ZNF462: variants seen among roughly 807,000 people sequenced by gnomAD.
The protein encoded by ZNF462 is zinc finger protein 462.
ZNF462 carries 10 observed loss-of-function variants against 201.9 expected under a neutral mutation model. The ratio of observed to expected loss-of-function variants is 0.05; its 90% confidence interval spans 0.03 to 0.08. The LOEUF is 0.08. ZNF462 is among the 10% of genes least tolerant of loss of function. The pLI is 1.00. For synonymous variants in ZNF462, 1,227 were observed against 1,193.3 expected (o/e 1.03, Z -0.58); for missense variants, 2,523 against 3,168.3 (o/e 0.80, Z 4.89).
At chr9:106,998,729 T>A (rs891900516) in intron 10 of ZNF462, among the ~76,000 whole-genome samples, 1 of 152,124 alleles carries the variant, frequency 6.6e-6, no homozygotes, top group Non-Finnish European at 1.5e-5. Flanking sequence ...TGCCTCAGCC[T>A]CCCAAGTAGC....
At position 106,932,516 on chromosome 9, in the gene ZNF462, A is replaced by G. The variant is rs1428082171; in HGVS notation, c.6083A>G (p.Gln2028Arg). 5.6e-6 allele frequency: 9 copies of G among 1,614,234 alleles called. No individual in the cohort carries two copies. The highest frequency in any genetic ancestry group is 1.3e-5 in the African/African-American group (1 of 75,074). ...ACCCGCGAGGACAAGTACAGCTGCC[A>G]GTATTGCTCGTTTGTTTCTGCTTTC... ...MFTREDKYSC[Q>R]YCSFVSAFRH... Residue 2028 changes from glutamine to arginine, a missense_variant, in exon 5 of 13, where the codon CAG becomes CGG. By Grantham distance (43) the Gln-to-Arg change is conservative (BLOSUM62 1). Transcript: ENST00000277225. This position sits in a 1 kb window ranked among gnomAD's most constrained non-coding sequence, Gnocchi z 6.8.
At chr9:106,999,743 G>C (rs1829039224) in intron 10 of ZNF462, among the ~76,000 whole-genome samples, 1 of 152,140 alleles carries the variant, frequency 6.6e-6, no homozygotes, top group South Asian at 2.1e-4. Flanking sequence ...GACTTTAAAT[G>C]AGTTTTTCTT....
chr9:106,928,007 A>G lies in ZNF462; in HGVS notation c.4095A>G (p.Glu1365=), dbSNP rs1564108623. 6.2e-7 allele frequency: 1 copy of G among 1,614,204 alleles called. No homozygotes were observed. The change falls in exon 3 of 13, where the codon GAA becomes GAG. Residue 1365 remains glutamate (E), a synonymous_variant. Coordinates refer to ENST00000277225, the MANE Select transcript of ZNF462 (RefSeq NM_021224.6). This position sits in a 1 kb window ranked among gnomAD's most constrained non-coding sequence, Gnocchi z 9.3. ...PSPPSLTMPA[E]AKTYRCRDCV... ...CTCCCTCTCTCACAATGCCAGCCGA[A>G]GCCAAAACCTACAGATGCAGGGACT... is the stretch of plus-strand genomic sequence containing the variant.
chr9:106,871,286 A>C (rs1827579806), intron 1 of ZNF462, among the ~76,000 whole-genome samples: 1 of 152,238 alleles, frequency 6.6e-6, no homozygotes, highest in South Asian at 2.1e-4. Flanking sequence ...TTGAAAGGAT[A>C]CGTGGATTAG....
intron 11 of ZNF462, among the ~76,000 whole-genome samples, chr9:107,004,304 T>C (rs555250305): frequency 1.1e-4 from 17 of 152,340 alleles, no homozygotes; most frequent in Non-Finnish European, 1.0e-4. Flanking sequence ...TTGCCATTAC[T>C]GAGCATCATT....
chr9:106,931,853 A>G (rs1375046760), intron 4 of ZNF462, among the ~76,000 whole-genome samples: 5 of 152,158 alleles, frequency 3.3e-5, no homozygotes, highest in East Asian at 1.9e-4. Context: ...AGGCTCCTCA[A>G]TGACCATACT....
At chr9:106,877,668 C>T (rs1403830188) in intron 1 of ZNF462, among the ~76,000 whole-genome samples, 1 of 152,146 alleles carries the variant, frequency 6.6e-6, no homozygotes, top group East Asian at 1.9e-4. Context: ...GTGTAAGCCA[C>T]TGCGTCCAGC....
chr9:106,915,971 C>T (rs899854302), intron 1 of ZNF462, among the ~76,000 whole-genome samples: 3 of 152,118 alleles, frequency 2.0e-5, no homozygotes, highest in African/African-American at 7.2e-5. Flanking sequence ...GAATCATTCT[C>T]GTCTAAAGCA....
chr9:106,894,981 G>T (rs897530882), intron 1 of ZNF462, among the ~76,000 whole-genome samples: 1 of 152,112 alleles, frequency 6.6e-6, no homozygotes, highest in African/African-American at 2.4e-5. Flanking sequence ...TGGCTGGCAT[G>T]ATTTTTTAAT....
chr9:107,010,489 T>G lies in ZNF462; in HGVS notation c.7314-334T>G, dbSNP rs1256934737. 6.6e-6 allele frequency among the ~76,000 whole-genome samples: 1 copy of G among 152,212 alleles called. No individual in the cohort carries two copies. Among genetic ancestry groups the G allele is most frequent in the African/African-American group, 2.4e-5 (1 of 41,448 alleles). On this transcript the variant is annotated intron_variant, in intron 12 of 12. Coordinates refer to ENST00000277225, the MANE Select transcript of ZNF462 (RefSeq NM_021224.6). This position sits in a 1 kb window ranked among gnomAD's most constrained non-coding sequence, Gnocchi z 4.6. ...ATGACTCTGAGCATAAGACAATTCT[T>G]GCTGTTACCACTTATGACCCAGTAG...
intron 11 of ZNF462, among the ~76,000 whole-genome samples, chr9:107,004,827 TC>T (rs1829436963): frequency 6.6e-6 from 1 of 152,102 alleles, no homozygotes; most frequent in Non-Finnish European, 1.5e-5. Context: ...AGCTTATTTT[TC>T]CTATCTGACT....
intron 7 of ZNF462, among the ~76,000 whole-genome samples, chr9:106,959,083 C>T (rs11999963): frequency 0.12 from 18,963 of 152,056 alleles, 1,228 homozygotes; most frequent in African/African-American, 0.14. Flanking sequence ...TGTTAACTAA[C>T]AAAATAGGAG....
At position 106,926,316 on chromosome 9, in the gene ZNF462, G is replaced by C; in HGVS notation, c.2404G>C (p.Gly802Arg). Residue 802 changes from glycine to arginine, a missense_variant, in exon 3 of 13, where the codon GGC (glycine) becomes CGC (arginine). Transcript: ENST00000277225. This position sits in a 1 kb window ranked among gnomAD's most constrained non-coding sequence, Gnocchi z 7.9. ...TTCTGAAGATGAAGAGGATTATTATGGCTCCTCAACAAACTTGAAAGATCA... is the reference window on the plus strand; with the variant it reads ...TTCTGAAGATGAAGAGGATTATTATCGCTCCTCAACAAACTTGAAAGATCA... ...TLSEDEEDYYGSSTNLKDHQV... is the reference protein window; with the variant it reads ...TLSEDEEDYYRSSTNLKDHQV... 2 of 1,614,126 alleles carry C rather than the reference G, an allele frequency of 1.2e-6. No individual in the cohort carries two copies. The highest frequency in any genetic ancestry group is 1.7e-6 in the Non-Finnish European group (2 of 1,180,028).
chr9:106,972,320 C>T lies in ZNF462; in HGVS notation c.6695+48C>T, dbSNP rs768021144. 1.5e-5 allele frequency: 24 copies of T among 1,579,950 alleles called. No homozygotes were observed. The Admixed American group carries it at 3.3e-4, about 22-fold the overall frequency. ...ATGGAAAACAAGGCGGCCGCCCCTGCTCCACCCCTCACTGCAGGCTTCCCT... is the reference window on the plus strand; with the variant it reads ...ATGGAAAACAAGGCGGCCGCCCCTGTTCCACCCCTCACTGCAGGCTTCCCT... On this transcript the variant is annotated intron_variant, in intron 8 of 12. Coordinates refer to ENST00000277225, the MANE Select transcript of ZNF462 (RefSeq NM_021224.6). This position sits in a 1 kb window ranked among gnomAD's most constrained non-coding sequence, Gnocchi z 4.8.
In ZNF462 at chr9:106,978,003, T is replaced by C. The variant is rs1827146749; in HGVS notation, c.6832+3730T>C. ...GACAGCTCCCAGCGTTCCTTGACGC[T>C]ACTTGGCTTATAGCTGCATCACTCT... On this transcript the variant is annotated intron_variant, in intron 9 of 12. Transcript: ENST00000277225. This position sits in a 1 kb window ranked among gnomAD's most constrained non-coding sequence, Gnocchi z 4.1. Among the ~76,000 whole-genome samples the C allele has an allele frequency of 6.6e-6, 1 of 151,620 alleles. No homozygotes were observed. The highest frequency in any genetic ancestry group is 2.4e-5 in the African/African-American group (1 of 40,886).
rs1831884315 is a variant in ZNF462 at position 106,962,412 on chromosome 9, G to A, written c.6428-9593G>A. ...GAAAGACAAATGAATATGTTCCCAA[G>A]TATACGATCTAGTGAATTGAAAAGT... On this transcript the variant is annotated intron_variant, in intron 7 of 12. Coordinates refer to ENST00000277225, the MANE Select transcript of ZNF462 (RefSeq NM_021224.6). The surrounding 1 kb of genome is among the most constrained non-coding windows in gnomAD (Gnocchi z 4.6). 6.6e-6 allele frequency among the ~76,000 whole-genome samples: 1 copy of A among 152,064 alleles called. No individual in the cohort carries two copies. The highest frequency in any genetic ancestry group is 1.5e-5 in the Non-Finnish European group (1 of 67,984).
In ZNF462 at chr9:106,984,064, C is replaced by A; in HGVS notation, c.6833-122C>A. 1 of 876,770 alleles carries A rather than the reference C, an allele frequency of 1.1e-6. No homozygotes were observed. The highest frequency in any genetic ancestry group is 1.7e-5 in the South Asian group (1 of 58,102). The allele number at this position is 876,770 out of a possible 1,614,324, so 54.3% of individuals were successfully genotyped here. A position where few individuals can be genotyped will look rare whatever the true frequency, so the allele number is the denominator to read the frequency against. On this transcript the variant is annotated intron_variant, in intron 9 of 12. Transcript: ENST00000277225. This position sits in a 1 kb window ranked among gnomAD's most constrained non-coding sequence, Gnocchi z 6.4. ...GGGGCAGGGTGCATGTGTGTCAGTTCAAGGAACCAGATCCACGAGGAGCAG... is the reference window on the plus strand; with the variant it reads ...GGGGCAGGGTGCATGTGTGTCAGTTAAAGGAACCAGATCCACGAGGAGCAG...
Position 106,932,124 on chromosome 9 carries a change from C to A in ZNF462, c.6013-322C>A. 1 of 1,320,966 alleles carries A rather than the reference C, an allele frequency of 7.6e-7. No homozygotes were observed. Among genetic ancestry groups the A allele is most frequent in the Non-Finnish European group, 1.0e-6 (1 of 983,760 alleles). 81.8% of individuals were successfully genotyped at this position (1,320,966 alleles called of 1,614,324 possible). On this transcript the variant is annotated intron_variant, in intron 4 of 12. Transcript: ENST00000277225. The surrounding 1 kb of genome is among the most constrained non-coding windows in gnomAD (Gnocchi z 6.8). ...GGGCTTGCTCTCCCTCTAGGGGTAG[C>A]TGGAGAGGCAGGGGAGGAAGCTTTG...
At position 106,927,918 on chromosome 9, in the gene ZNF462, C is replaced by T; in HGVS notation, c.4006C>T (p.Pro1336Ser). 6.2e-7 allele frequency: 1 copy of T among 1,614,180 alleles called. No homozygotes were observed. Among genetic ancestry groups the T allele is most frequent in the Non-Finnish European group, 8.5e-7 (1 of 1,180,052 alleles). ...GCTCCTGCATTACCAACGGAGGCAT[C>T]CAGAACACTATGTTGATTACACCTA... ...GLLLHYQRRH[P>S]EHYVDYTYMA... Residue 1336 changes from proline (P) to serine (S), a missense_variant, in exon 3 of 13, where the codon CCA (proline) becomes TCA (serine). Physicochemically the swap from Pro to Ser is moderately conservative, Grantham distance 74. This residue lies in a region of ZNF462 where 222 missense variants were observed against 271.6 expected (regional missense o/e 0.82). Coordinates refer to ENST00000277225, the MANE Select transcript of ZNF462 (RefSeq NM_021224.6).
Sources: allele counts gnomAD v4.1 joint callset (sites outside exome capture counted in the v4.1 genomes callset), GRCh38; gene constraint gnomAD v4.1.1; regional missense constraint gnomAD v4.1.1; non-coding constraint Gnocchi (gnomAD v3.1); transcripts MANE v1.5; gene names NCBI Gene and HGNC (gene_info 2026-07-23, HGNC 2026-07-21).